Variants in FAAH2 observed in about 807,000 individuals in gnomAD.
FAAH2 encodes the protein fatty-acid amide hydrolase 2.
FAAH2 carries 60 observed loss-of-function variants against 36.9 expected under a neutral mutation model. The observed-to-expected ratio is 1.63, with a 90% confidence interval of 1.32 to 2.02. The LOEUF is 2.02. Ranked by LOEUF, FAAH2 falls within the 30% of genes most tolerant of loss-of-function variation. The pLI is 0.00. For missense variants in FAAH2, 689 were observed against 397.5 expected (o/e 1.73, Z -6.23); for synonymous variants, 214 against 143.8 (o/e 1.49, Z -3.49).
the FAAH2 span, among the ~76,000 whole-genome samples, chrX:57,190,871 C>A: frequency 9.0e-6 from 1 of 111,326 alleles, no homozygotes; most frequent in Admixed American, 9.6e-5. Context: ...CCCACATTTT[C>A]TTTATACATT....
chrX:57,244,335 C>A, the FAAH2 span, among the ~76,000 whole-genome samples: 1 of 110,964 alleles, frequency 9.0e-6, no homozygotes, highest in East Asian at 2.9e-4. Context: ...GGATATTATC[C>A]AGGAGAACTT....
At chrX:57,152,297 G>A in the FAAH2 span, among the ~76,000 whole-genome samples, 1 of 112,326 alleles carries the variant, frequency 8.9e-6, no homozygotes, top group African/African-American at 3.2e-5. Context: ...CTTCAAAGCT[G>A]TCAGACTGGG....
At chrX:57,236,242 T>C in the FAAH2 span, among the ~76,000 whole-genome samples, 3 of 112,508 alleles carry the variant, frequency 2.7e-5, no homozygotes, top group South Asian at 1.1e-3. Context: ...TTAATTCATC[T>C]GCTAAAGGAC....
intron 7 of FAAH2, among the ~76,000 whole-genome samples, chrX:57,382,422 C>A (rs2054877568): frequency 9.0e-6 from 1 of 111,137 alleles, no homozygotes; most frequent in Admixed American, 9.6e-5. Flanking sequence ...AATTGAGAGA[C>A]CGCTGGCAAG....
intron 5 of FAAH2, among the ~76,000 whole-genome samples, chrX:57,376,409 C>A (rs923362802): frequency 9.0e-6 from 1 of 110,914 alleles, no homozygotes; most frequent in East Asian, 2.8e-4. Flanking sequence ...TGACAGGCCC[C>A]CAGTGTGTGA....
At chrX:57,135,464 T>C in the FAAH2 span, 3 of 233,589 alleles carry the variant, frequency 1.3e-5, no homozygotes, top group African/African-American at 3.1e-5. Context: ...ACAGCCAATC[T>C]CTTGTTCCTT....
chrX:57,393,091 G>A, intron 7 of FAAH2: 1 of 920,825 alleles, frequency 1.1e-6, no homozygotes, highest in Non-Finnish European at 1.6e-6. Flanking sequence ...GCCAGTGAGT[G>A]CACTTCACGG....
the FAAH2 span, among the ~76,000 whole-genome samples, chrX:57,132,787 A>T: frequency 0.011 from 1,291 of 112,714 alleles, 16 homozygotes; most frequent in African/African-American, 0.04. Context: ...ATGGCTTTCC[A>T]TCACATACAG....
chrX:57,470,737 A>T, intron 10 of FAAH2, among the ~76,000 whole-genome samples: 1 of 111,503 alleles, frequency 9.0e-6, no homozygotes, highest in Non-Finnish European at 1.9e-5. Context: ...ATCCTCCCTA[A>T]CTCATTTTAT....
At chrX:57,304,310 G>A (rs1450380931) in intron 2 of FAAH2, among the ~76,000 whole-genome samples, 1 of 112,390 alleles carries the variant, frequency 8.9e-6, no homozygotes, top group Non-Finnish European at 1.9e-5. Flanking sequence ...AATTCAAAAT[G>A]ACTGAAAGCA....
At chrX:57,243,685 C>G in the FAAH2 span, among the ~76,000 whole-genome samples, 1 of 111,988 alleles carries the variant, frequency 8.9e-6, no homozygotes, top group African/African-American at 3.2e-5. Flanking sequence ...AACTAACAAA[C>G]AGAAAGGAAT....
chrX:57,202,287 G>T, the FAAH2 span, among the ~76,000 whole-genome samples: 1 of 111,892 alleles, frequency 8.9e-6, no homozygotes, highest in African/African-American at 3.3e-5. Context: ...TTCTTGGAAA[G>T]GCTTTCCAGA....
chrX:57,392,977 C>A, intron 7 of FAAH2: 1 of 934,131 alleles, frequency 1.1e-6, no homozygotes, highest in Admixed American at 2.2e-5. Flanking sequence ...CTGATTTTAT[C>A]CTCAACTGGG....
chrX:57,262,188 G>A, the FAAH2 span, among the ~76,000 whole-genome samples: 2 of 111,256 alleles, frequency 1.8e-5, no homozygotes, highest in African/African-American at 3.3e-5. Context: ...AGACCAGCTC[G>A]GACTCTCAGG....
intron 4 of FAAH2, among the ~76,000 whole-genome samples, chrX:57,333,107 G>A (rs2053451407): frequency 9.0e-6 from 1 of 110,659 alleles, no homozygotes; most frequent in Non-Finnish European, 1.9e-5. Flanking sequence ...ACACAAATAG[G>A]GATTTTCTAT....
Position 57,292,603 on chromosome X carries a change from G to A in FAAH2, c.275+23G>A, listed in dbSNP as rs766567386. 6.9e-5 allele frequency: 80 copies of A among 1,164,879 alleles called. No homozygotes were observed. In the South Asian group the frequency reaches 1.3e-3, roughly 20 times the overall value. ...CAGGTGAGCATTTCCACTCTCTCAA[G>A]GAGTCATTTATGGTGGTTTTTGTTC... On this transcript the variant is annotated intron_variant, in intron 2 of 10. Coordinates refer to ENST00000374900, the MANE Select transcript of FAAH2 (RefSeq NM_174912.4).
At chrX:57,198,186 T>C in the FAAH2 span, among the ~76,000 whole-genome samples, 1 of 111,536 alleles carries the variant, frequency 9.0e-6, no homozygotes, top group Admixed American at 9.5e-5. Flanking sequence ...GAAAAGATCA[T>C]CATCATGTGG....
chrX:57,222,646 G>A, the FAAH2 span, among the ~76,000 whole-genome samples: 2 of 111,039 alleles, frequency 1.8e-5, no homozygotes, highest in Non-Finnish European at 3.8e-5. Context: ...CTGCCCCATG[G>A]CTCCTCCAAC....
At chrX:57,368,571 G>C (rs1057039708) in intron 5 of FAAH2, among the ~76,000 whole-genome samples, 7 of 111,742 alleles carry the variant, frequency 6.3e-5, no homozygotes, top group African/African-American at 2.3e-4. Context: ...ACCCACAGTG[G>C]AGCAGCACCA....
Sources: gnomAD v4.1 joint callset for allele counts (sites outside exome capture counted in the v4.1 genomes callset) on GRCh38, gnomAD v4.1.1 for gene constraint, MANE v1.5 for transcripts, NCBI Gene and HGNC (gene_info 2026-07-23, HGNC 2026-07-21) for gene names.